DPH6: variants seen among roughly 807,000 people sequenced by gnomAD.
The protein encoded by DPH6 is diphthine--ammonia ligase.
Under a neutral mutation model 38.2 loss-of-function variants are expected in DPH6, and 33 were observed. The ratio of observed to expected loss-of-function variants is 0.86; its 90% CI spans 0.65 to 1.15. DPH6 has a LOEUF of 1.15. Ranked by LOEUF, DPH6 falls within the 50% of genes most tolerant of loss-of-function variation. DPH6 has a pLI of 0.00. For missense variants in DPH6, 325 were observed against 320.0 expected (o/e 1.02, Z -0.12); for synonymous variants, 108 against 103.0 (o/e 1.05, Z -0.30).
At chr15:35,338,436 C>T (rs1395439777) in intron 3 of DPH6, among the ~76,000 whole-genome samples, 2 of 152,230 alleles carry the variant, frequency 1.3e-5, no homozygotes, top group Non-Finnish European at 2.9e-5. Flanking sequence ...AAAGAATGCT[C>T]ACCATCACTG....
At chr15:35,443,871 A>G (rs1421324490) in intron 5 of DPH6, among the ~76,000 whole-genome samples, 1 of 152,204 alleles carries the variant, frequency 6.6e-6, no homozygotes, top group Non-Finnish European at 1.5e-5. Flanking sequence ...GTGTAATACA[A>G]AATAAATATG....
intron 3 of DPH6, among the ~76,000 whole-genome samples, chr15:35,307,845 G>A (rs2052106102): frequency 6.6e-6 from 1 of 152,180 alleles, no homozygotes; most frequent in African/African-American, 2.4e-5. Flanking sequence ...ATCTGGTAAT[G>A]CAGATGGAGC....
At chr15:35,468,681 C>T (rs958093982) in intron 3 of DPH6, among the ~76,000 whole-genome samples, 1 of 148,306 alleles carries the variant, frequency 6.7e-6, no homozygotes, top group Non-Finnish European at 1.5e-5. Flanking sequence ...GGGCACGTAA[C>T]AGAAAAAACA....
At chr15:35,281,437 A>T (rs1395403247) in intron 3 of DPH6, among the ~76,000 whole-genome samples, 2 of 152,206 alleles carry the variant, frequency 1.3e-5, no homozygotes, top group East Asian at 1.9e-4. Context: ...ACCCAAAATA[A>T]TTTTTTTAAA....
downstream of DPH6, among the ~76,000 whole-genome samples, chr15:35,327,997 T>G (rs1167295401): frequency 6.6e-6 from 1 of 152,218 alleles, no homozygotes; most frequent in African/African-American, 2.4e-5. Flanking sequence ...GACTGTACCT[T>G]GTTTATTTAA....
At chr15:35,393,038 T>C (rs1237184298) in intron 6 of DPH6, among the ~76,000 whole-genome samples, 2 of 152,200 alleles carry the variant, frequency 1.3e-5, no homozygotes, top group African/African-American at 2.4e-5. Flanking sequence ...GCTAAGTCAT[T>C]ATCCTAAGGT....
the DPH6 span, among the ~76,000 whole-genome samples, chr15:35,191,303 T>C: frequency 6.6e-6 from 1 of 152,204 alleles, no homozygotes; most frequent in African/African-American, 2.4e-5. Context: ...TGTTCTTATC[T>C]GTTCTGCTTT....
chr15:35,154,024 G>C, the DPH6 span, among the ~76,000 whole-genome samples: 1 of 152,166 alleles, frequency 6.6e-6, no homozygotes, highest in Non-Finnish European at 1.5e-5. Context: ...TCTCCAGAGA[G>C]AGGAAGGTAG....
intron 3 of DPH6, among the ~76,000 whole-genome samples, chr15:35,271,802 C>G (rs1028190360): frequency 6.6e-6 from 1 of 152,142 alleles, no homozygotes; most frequent in Non-Finnish European, 1.5e-5. Context: ...AGAGCAAACA[C>G]CTAGATAGAA....
intron 3 of DPH6, among the ~76,000 whole-genome samples, chr15:35,351,689 A>G (rs993594831): frequency 1.3e-5 from 2 of 151,152 alleles, no homozygotes; most frequent in Non-Finnish European, 1.5e-5. Context: ...CTCCTCCCCA[A>G]CACACATTTT....
the DPH6 span, among the ~76,000 whole-genome samples, chr15:35,160,165 A>G: frequency 2.6e-5 from 4 of 152,008 alleles, no homozygotes; most frequent in African/African-American, 9.7e-5. Context: ...AAATATGCAC[A>G]TGCATCCCCT....
In DPH6 at chr15:35,296,387, G is replaced by A. The variant is rs72708934; in HGVS notation, n.201-75805C>T. Among the ~76,000 whole-genome samples, 276 of 152,060 alleles carry A rather than the reference G, an allele frequency of 1.8e-3. 1 individual carries two copies. The highest frequency in any genetic ancestry group is 5.2e-3 in the East Asian group (27 of 5,178). Reference sequence around the variant, plus strand: ...AAGCCTACTTATTCTAGCTCCCTTCGTCTAAAATTTTTATATCTCTTTCAG... The same window carrying A: ...AAGCCTACTTATTCTAGCTCCCTTCATCTAAAATTTTTATATCTCTTTCAG... On this transcript the variant is annotated intron_variant and non_coding_transcript_variant, in intron 3 of 3. Transcript: ENST00000560386.
intron 4 of DPH6, among the ~76,000 whole-genome samples, chr15:35,452,907 A>C (rs2053953873): frequency 6.6e-6 from 1 of 152,228 alleles, no homozygotes; most frequent in Non-Finnish European, 1.5e-5. Flanking sequence ...AGAGATTTTG[A>C]GGAATTTCAA....
intron 7 of DPH6, among the ~76,000 whole-genome samples, chr15:35,375,841 C>T (rs1040804405): frequency 1.3e-5 from 2 of 152,024 alleles, no homozygotes; most frequent in African/African-American, 2.4e-5. Flanking sequence ...AAATGGTATT[C>T]CCTCTTGAGA....
At chr15:35,213,054 T>A (rs540612917), downstream of DPH6, among the ~76,000 whole-genome samples, 1 of 152,354 alleles carries the variant, frequency 6.6e-6, no homozygotes, top group African/African-American at 2.4e-5. Flanking sequence ...AAATGTCTCA[T>A]GAAAATCTGA....
intron 5 of DPH6, among the ~76,000 whole-genome samples, chr15:35,417,751 A>AT (rs2053454489): frequency 6.6e-6 from 1 of 152,058 alleles, no homozygotes; most frequent in Non-Finnish European, 1.5e-5. Flanking sequence ...TATCCATTCC[A>AT]TTTTCAATTT....
chr15:35,254,370 T>A (rs953272221), intron 3 of DPH6, among the ~76,000 whole-genome samples: 2 of 152,186 alleles, frequency 1.3e-5, no homozygotes, highest in Non-Finnish European at 2.9e-5. Context: ...GCCACATACA[T>A]TTATAATGGG....
intron 3 of DPH6, among the ~76,000 whole-genome samples, chr15:35,359,839 AT>A: frequency 6.6e-6 from 1 of 151,754 alleles, no homozygotes; most frequent in Middle Eastern, 3.4e-3. Context: ...CAGTTCCAGG[AT>A]TTCCATCTGG....
intron 3 of DPH6, among the ~76,000 whole-genome samples, chr15:35,536,571 T>A (rs979027000): frequency 1.1e-4 from 16 of 152,054 alleles, no homozygotes; most frequent in African/African-American, 3.9e-4. Context: ...TGCCCATTTT[T>A]AATTAAATTT....
Sources: allele counts gnomAD v4.1 joint callset (sites outside exome capture counted in the v4.1 genomes callset), GRCh38; gene constraint gnomAD v4.1.1; transcripts MANE v1.5; gene names NCBI Gene and HGNC (gene_info 2026-07-23, HGNC 2026-07-21).